PRSS23: variants seen among roughly 807,000 people sequenced by gnomAD.
PRSS23 encodes protease, serine 23.
A neutral mutation model predicts 34.7 loss-of-function variants in PRSS23; 25 were observed. That is an observed-to-expected ratio of 0.72 (90% CI 0.53 to 1.01). PRSS23 has a LOEUF of 1.01. Among genes scored for constraint, PRSS23 ranks in the 50% least tolerant of loss-of-function variants. The probability of loss-of-function intolerance (pLI) is 0.00; values close to 1 mark genes in which losing one functional copy is unlikely to be tolerated. For missense variants in PRSS23, 445 were observed against 475.6 expected, an observed-to-expected ratio of 0.94 and a Z score of 0.60; for synonymous variants, 176 against 186.6, an observed-to-expected ratio of 0.94 and a Z score of 0.46.
At chr11:86,856,877 G>A (rs1948575113) in intron 2 of PRSS23, among the ~76,000 whole-genome samples, 1 of 152,164 alleles carries the variant, frequency 6.6e-6, no homozygotes, top group Admixed American at 6.5e-5. Context: ...CTAAACAAAG[G>A]ATCCCAGAAT....
upstream of PRSS23, among the ~76,000 whole-genome samples, chr11:86,796,158 G>A (rs112694414): frequency 5.9e-4 from 90 of 152,268 alleles, 3 homozygotes; most frequent in Middle Eastern, 6.8e-3. Flanking sequence ...TTGTCAGGAC[G>A]GGAAAAGGCA....
At chr11:86,832,024 T>C (rs1590884374) in intron 2 of PRSS23, among the ~76,000 whole-genome samples, 1 of 151,998 alleles carries the variant, frequency 6.6e-6, no homozygotes, top group East Asian at 1.9e-4. Context: ...GTGATATTAC[T>C]CATAATATCC....
At chr11:86,865,049 A>G (rs1948640985) in intron 2 of PRSS23, among the ~76,000 whole-genome samples, 1 of 152,246 alleles carries the variant, frequency 6.6e-6, no homozygotes, top group South Asian at 2.1e-4. Context: ...AAGGTAAAAC[A>G]TTCCCAGAGA....
intron 2 of PRSS23, among the ~76,000 whole-genome samples, chr11:86,885,125 T>A (rs1948794062): frequency 6.6e-6 from 1 of 152,186 alleles, no homozygotes; most frequent in Non-Finnish European, 1.5e-5. Context: ...AAATAAGTAT[T>A]CGGTGATTAA....
At chr11:86,874,362 A>T (rs2508424) in intron 2 of PRSS23, among the ~76,000 whole-genome samples, 104,594 of 152,152 alleles carry the variant, frequency 0.69, 37,390 homozygotes, top group African/African-American at 0.89. Context: ...AAATGATGAA[A>T]CATTTGTTAA....
At position 86,951,248 on chromosome 11, in the gene PRSS23, G is replaced by A. The variant is rs73531344; in HGVS notation, c.239G>A (p.Arg80His). 8.1e-6 allele frequency: 13 copies of A among 1,613,988 alleles called. No homozygotes were observed. Among genetic ancestry groups the A allele is most frequent in the Admixed American group, 5.0e-5 (3 of 60,024 alleles). ...CAATCTGTTGGAACACTTCTGCCACGTGTGAAGAGTTTTGGCAGACCAAAT... is the reference window on the plus strand; with the variant it reads ...CAATCTGTTGGAACACTTCTGCCACATGTGAAGAGTTTTGGCAGACCAAAT... Residue 80 changes from arginine (R) to histidine (H), a missense_variant, in exon 3 of 3, where the codon CGT becomes CAT. Physicochemically the swap from Arg to His is conservative, Grantham distance 29 (BLOSUM62 0). Coordinates refer to the PRSS23 transcript ENST00000533902.
Position 86,800,576 on chromosome 11 carries a change from C to G in PRSS23, c.-89C>G, listed in dbSNP as rs1363255795. The stretch of plus-strand genomic sequence containing the variant: ...TGTGCGGCGGGGCAGGCATGGGAGC[C>G]GCGCGCTCTCTCCCGGCGCCCACAC... On this transcript the variant is annotated 5_prime_UTR_variant, in exon 1 of 2. Coordinates refer to ENST00000280258, the MANE Select transcript of PRSS23 (RefSeq NM_007173.6). The G allele has an allele frequency of 6.1e-6, 6 of 984,848 alleles. No homozygotes were observed. In the South Asian group the frequency reaches 2.8e-4, roughly 46 times the overall value. The allele number at this position is 984,848 out of a possible 1,614,324, so 61.0% of individuals were successfully genotyped here. A position where few individuals can be genotyped will look rare whatever the true frequency, so the allele number is the denominator to read the frequency against.
Position 86,922,959 on chromosome 11 carries a change from G to A in PRSS23, c.207-28257G>A, listed in dbSNP as rs11823217. On this transcript the variant is annotated intron_variant, in intron 2 of 2. Coordinates refer to the PRSS23 transcript ENST00000533902. ...GGTTAGTCTGAATTGATTGTGCTGTGAATGCAAAACACACAGCAGGTTTTG... is the reference window on the plus strand; with the variant it reads ...GGTTAGTCTGAATTGATTGTGCTGTAAATGCAAAACACACAGCAGGTTTTG... Among the ~76,000 whole-genome samples the A allele has an allele frequency of 1.3e-3, 205 of 152,226 alleles. 1 individual carries two copies. The highest frequency in any genetic ancestry group is 4.5e-3 in the African/African-American group (186 of 41,534).
intron 2 of PRSS23, among the ~76,000 whole-genome samples, chr11:86,848,750 A>G (rs930809523): frequency 6.6e-6 from 1 of 152,224 alleles, no homozygotes; most frequent in Non-Finnish European, 1.5e-5. Flanking sequence ...TCGTTGTTCT[A>G]TAACAGGGAC....
intron 2 of PRSS23, among the ~76,000 whole-genome samples, chr11:86,841,054 G>A (rs923090578): frequency 2.6e-5 from 4 of 151,526 alleles, no homozygotes; most frequent in Admixed American, 2.0e-4. Flanking sequence ...AAAGAACTAG[G>A]GAAGGCCAGG....
At chr11:86,932,935 A>T (rs1483900264) in intron 2 of PRSS23, 1 of 152,238 alleles carries the variant, frequency 6.6e-6, no homozygotes, top group Non-Finnish European at 1.5e-5. Context: ...CCATATCAAA[A>T]GTGGACAAAA....
chr11:86,855,414 T>G (rs1590895992), intron 2 of PRSS23, among the ~76,000 whole-genome samples: 1 of 152,164 alleles, frequency 6.6e-6, no homozygotes, highest in East Asian at 1.9e-4. Flanking sequence ...TACCCAATTA[T>G]CCACTTCTCT....
upstream of PRSS23, among the ~76,000 whole-genome samples, chr11:86,796,690 C>T (rs938280820): frequency 1.3e-5 from 2 of 150,842 alleles, no homozygotes; most frequent in East Asian, 3.9e-4. Context: ...ATATACTCCA[C>T]AGTACCTGGC....
chr11:86,815,694 C>A (rs924033264), downstream of PRSS23, among the ~76,000 whole-genome samples: 1 of 152,218 alleles, frequency 6.6e-6, no homozygotes, highest in African/African-American at 2.4e-5. Flanking sequence ...CTTCCCTTAT[C>A]TATCCCATGG....
chr11:86,817,742 T>C (rs1948224243), intron 1 of PRSS23, among the ~76,000 whole-genome samples: 1 of 152,228 alleles, frequency 6.6e-6, no homozygotes. Flanking sequence ...CCAACAAGCA[T>C]GTATTGAGTA....
intron 2 of PRSS23, among the ~76,000 whole-genome samples, chr11:86,850,569 C>G (rs1948521573): frequency 6.6e-6 from 1 of 152,150 alleles, no homozygotes. Flanking sequence ...ACACCAGGAT[C>G]TGTGCATGTG....
chr11:86,870,624 A>G (rs1485081696), intron 2 of PRSS23, among the ~76,000 whole-genome samples: 3 of 152,192 alleles, frequency 2.0e-5, no homozygotes, highest in East Asian at 1.9e-4. Flanking sequence ...AGGGATTCCA[A>G]TTACATATAC....
At chr11:86,858,105 C>A (rs1948585547) in intron 2 of PRSS23, among the ~76,000 whole-genome samples, 1 of 151,950 alleles carries the variant, frequency 6.6e-6, no homozygotes, top group Non-Finnish European at 1.5e-5. Context: ...CTCCCAGTAT[C>A]TCAGAAACTG....
At chr11:86,915,576 ATAAG>A in intron 2 of PRSS23, among the ~76,000 whole-genome samples, 1 of 148,274 alleles carries the variant, frequency 6.7e-6, no homozygotes, top group South Asian at 2.1e-4. Context: ...TATAATGTAT[ATAAG>A]TAATATATAT....
Sources: allele counts gnomAD v4.1 joint callset (sites outside exome capture counted in the v4.1 genomes callset), GRCh38; gene constraint gnomAD v4.1.1; transcripts MANE v1.5; gene names NCBI Gene and HGNC (gene_info 2026-07-23, HGNC 2026-07-21).